The following EFCAB14 variants were observed in gnomAD, a reference collection of about 807,000 sequenced individuals.
EFCAB14 encodes the protein EF-hand calcium binding domain 14.
EFCAB14 carries 43 observed loss-of-function variants against 56.5 expected under a neutral mutation model. The observed-to-expected ratio is 0.76, with a 90% CI of 0.60 to 0.98. The LOEUF (loss-of-function observed/expected upper bound fraction) is 0.98. Ranked by LOEUF, EFCAB14 falls within the 50% of genes least tolerant of loss-of-function variation. EFCAB14 has a pLI of 0.00. For missense variants in EFCAB14, 538 were observed against 580.3 expected (o/e 0.93, Z 0.75); for synonymous variants, 235 against 212.9 (o/e 1.10, Z -0.90).
chr1:46,699,731 T>C (rs1014066637), intron 3 of EFCAB14, among the ~76,000 whole-genome samples: 5 of 152,218 alleles, frequency 3.3e-5, no homozygotes, highest in African/African-American at 1.2e-4. Flanking sequence ...GTCTACAAAT[T>C]CTTTGATAGT....
intron 4 of EFCAB14, chr1:46,692,238 A>T (rs1023191178): frequency 9.9e-5 from 24 of 243,224 alleles, no homozygotes; most frequent in African/African-American, 1.6e-4. Flanking sequence ...TGCTTTTTAA[A>T]GTGTGGCTGC....
At chr1:46,687,523 A>G (rs1569691883) in intron 7 of EFCAB14, among the ~76,000 whole-genome samples, 1 of 152,198 alleles carries the variant, frequency 6.6e-6, no homozygotes, top group East Asian at 1.9e-4. Context: ...TCCATGAACC[A>G]GAGTTTGACT....
At chr1:46,701,797 T>A (rs770350756) in intron 3 of EFCAB14, among the ~76,000 whole-genome samples, 3 of 152,226 alleles carry the variant, frequency 2.0e-5, no homozygotes, top group Non-Finnish European at 4.4e-5. Flanking sequence ...ACTTAGGTCT[T>A]CTTACTCACT....
Position 46,699,651 on chromosome 1 carries a change from G to A in EFCAB14, c.481-3002C>T, listed in dbSNP as rs191553556. ...ATTTATTCTTTTCATCAGTAACTGG[G>A]TATAATAATAATAACAACAACAACT... On this transcript the variant is annotated intron_variant, in intron 3 of 10. Transcript: ENST00000371933. 3.1e-4 allele frequency among the ~76,000 whole-genome samples: 47 copies of A among 152,244 alleles called. 1 individual carries two copies. The East Asian group carries it at 7.9e-3, about 26-fold the overall frequency.
chr1:46,699,078 C>T (rs556409658), intron 3 of EFCAB14, among the ~76,000 whole-genome samples: 2 of 152,230 alleles, frequency 1.3e-5, no homozygotes, highest in African/African-American at 4.8e-5. Context: ...ACTCTTAGGT[C>T]TCTCACCTCA....
At position 46,718,278 on chromosome 1, in the gene EFCAB14, T is replaced by A. The variant is rs181920411; in HGVS notation, c.-191A>T. On this transcript the variant is annotated 5_prime_UTR_variant, in exon 1 of 11. Transcript: ENST00000371933. ...CTGGAGATTGGAGCCCAGAGGAAAC[T>A]GGAACTCAGATGGGTGGGGGAAATC... 1.6e-5 allele frequency: 9 copies of A among 553,226 alleles called. No individual in the cohort carries two copies. Among genetic ancestry groups the A allele is most frequent in the South Asian group, 2.5e-5 (1 of 39,518 alleles). 34.3% of individuals were successfully genotyped at this position (553,226 alleles called of 1,614,324 possible). A position where few individuals can be genotyped will look rare whatever the true frequency, so the allele number is the denominator to read the frequency against.
chr1:46,715,457 GCA>G (rs1677373339), intron 2 of EFCAB14, among the ~76,000 whole-genome samples: 1 of 152,146 alleles, frequency 6.6e-6, no homozygotes, highest in African/African-American at 2.4e-5. Flanking sequence ...TTGAGACTTG[GCA>G]CAGAGTAGGC....
rs1425635874 is a variant in EFCAB14, at chr1:46,718,606, G to C, written c.-519C>G. On this transcript the variant is annotated 5_prime_UTR_variant, in exon 1 of 11. Transcript: ENST00000371933. Reference sequence around the variant, plus strand: ...GTGCAGAGTAAGAAAGTGGGAACGCGTCAGTCCCTTCCTTGCAGGAGAGGT... The same window carrying C: ...GTGCAGAGTAAGAAAGTGGGAACGCCTCAGTCCCTTCCTTGCAGGAGAGGT... 6.5e-6 allele frequency: 1 copy of C among 152,818 alleles called. No homozygotes were observed. The highest frequency in any genetic ancestry group is 1.5e-5 in the Non-Finnish European group (1 of 68,464). 9.5% of individuals were successfully genotyped at this position (152,818 alleles called of 1,614,324 possible). A position where few individuals can be genotyped will look rare whatever the true frequency, so the allele number is the denominator to read the frequency against.
chr1:46,717,933 C>G lies in EFCAB14; in HGVS notation c.155G>C (p.Gly52Ala). The G allele has an allele frequency of 6.2e-7, 1 of 1,614,046 alleles. No individual in the cohort carries two copies. The highest frequency in any genetic ancestry group is 8.5e-7 in the Non-Finnish European group (1 of 1,180,006). The change falls in exon 1 of 11, where the codon GGT (glycine) becomes GCT (alanine). Residue 52 changes from glycine (G) to alanine (A), a missense_variant. Physicochemically the swap from Gly to Ala is moderately conservative, Grantham distance 60. Coordinates refer to ENST00000371933, the MANE Select transcript of EFCAB14 (RefSeq NM_014774.3). The part of the protein sequence containing the change: ...ESSSEEEEEF[G>A]VVGNRSRFAK... The stretch of plus-strand genomic sequence containing the variant: ...AAAGCGAGAGCGATTTCCAACCACA[C>G]CGAATTCCTCTTCCTCTTCGGAGCT...
rs921810062 is a variant in EFCAB14 at position 46,678,132 on chromosome 1, A to C, written c.*329T>G. The C allele has an allele frequency of 6.5e-5, 13 of 198,930 alleles. No homozygotes were observed. Among genetic ancestry groups the C allele is most frequent in the East Asian group, 1.4e-4 (1 of 6,932 alleles). 12.3% of individuals were successfully genotyped at this position (198,930 alleles called of 1,614,324 possible). On this transcript the variant is annotated 3_prime_UTR_variant, in exon 11 of 11. Transcript: ENST00000371933. ...TATAAAAGTGGCTTATTCTCTCTCT[A>C]TATACATTTCCCAGCTTTAAAAGAT...
At chr1:46,686,754 T>G (rs1463087372) in intron 8 of EFCAB14, 30 bp downstream of exon 8, 1 of 1,605,104 alleles carries the variant, frequency 6.2e-7, no homozygotes, top group Non-Finnish European at 8.5e-7. Context: ...GCATTTACTT[T>G]TACTTCAGGG....
In EFCAB14 at chr1:46,717,984, T is replaced by C; in HGVS notation, c.104A>G (p.Glu35Gly). 6.2e-7 allele frequency: 1 copy of C among 1,614,180 alleles called. No individual in the cohort carries two copies. The highest frequency in any genetic ancestry group is 2.2e-5 in the East Asian group (1 of 44,872). ...GPSSHRLLRT[E>G]PPDSDSESSS... ...GGACTCAGAGTCTGAGTCGGGAGGC[T>C]CAGTGCGAAGCAGGCGGTGACTGCT... Residue 35 changes from glutamate to glycine, a missense_variant, in exon 1 of 11, where the codon GAG becomes GGG. By Grantham distance (98) the Glu-to-Gly change is moderately conservative. Transcript: ENST00000371933.
At chr1:46,691,375 T>C (rs1363646115) in intron 5 of EFCAB14, among the ~76,000 whole-genome samples, 2 of 152,242 alleles carry the variant, frequency 1.3e-5, no homozygotes, top group Non-Finnish European at 2.9e-5. Flanking sequence ...TGGAACATGC[T>C]AGACAGCCTG....
intron 5 of EFCAB14, among the ~76,000 whole-genome samples, chr1:46,690,412 A>C (rs986378266): frequency 6.6e-6 from 1 of 152,238 alleles, no homozygotes; most frequent in Admixed American, 6.5e-5. Flanking sequence ...AATTTAAAAG[A>C]AGTAGATTTA....
intron 2 of EFCAB14, among the ~76,000 whole-genome samples, chr1:46,709,815 C>T (rs547187029): frequency 5.3e-5 from 8 of 152,196 alleles, no homozygotes; most frequent in African/African-American, 1.4e-4. Flanking sequence ...TGGCAAAACC[C>T]TGTCTCTACT....
At chr1:46,711,660 T>C (rs993916995) in intron 2 of EFCAB14, among the ~76,000 whole-genome samples, 1 of 152,220 alleles carries the variant, frequency 6.6e-6, no homozygotes, top group African/African-American at 2.4e-5. Context: ...AGCAAACAAC[T>C]TAAAATTTTG....
chr1:46,697,354 T>C (rs538593725), intron 3 of EFCAB14, among the ~76,000 whole-genome samples: 2 of 152,324 alleles, frequency 1.3e-5, no homozygotes, highest in East Asian at 1.9e-4. Flanking sequence ...TATTTAGGCA[T>C]AGAATTCTAA....
chr1:46,716,304 A>T lies in EFCAB14; in HGVS notation c.325T>A (p.Phe109Ile), dbSNP rs1315826676. The change falls in exon 2 of 11, where the codon TTT becomes ATT. Residue 109 changes from phenylalanine to isoleucine, a missense_variant. Transcript: ENST00000371933. ...KEDLDALKEK[F>I]RTMESNQKSS... ...GTAACCACTTACTTACTTGTTCGAAATTTTTCCTTGAGGGCATCCAGATCC... is the reference window on the plus strand; with the variant it reads ...GTAACCACTTACTTACTTGTTCGAATTTTTTCCTTGAGGGCATCCAGATCC... 21 of 1,600,956 alleles carry T rather than the reference A, an allele frequency of 1.3e-5. No homozygotes were observed. The highest frequency in any genetic ancestry group is 1.8e-5 in the Non-Finnish European group (21 of 1,174,792).
rs145670885 is a variant in EFCAB14 at position 46,700,986 on chromosome 1, A to AGTGAGTGAGTGAGTGTGTGTGT, written c.481-4338_481-4337insACACACACACTCACTCACTCAC. Reference sequence around the variant, plus strand: ...GAGAGAGAGAGAGAGAGAGTGAGTGAGTGTGTGTGTGTGTGTGTGTGTGTG... The same window carrying AGTGAGTGAGTGAGTGTGTGTGT: ...GAGAGAGAGAGAGAGAGAGTGAGTGAGTGAGTGAGTGAGTGTGTGTGTGTGTGTGTGTGTGTGTGTGTGTGTG... On this transcript the variant is annotated intron_variant, in intron 3 of 10. Transcript: ENST00000371933. Among the ~76,000 whole-genome samples, 1,289 of 142,918 alleles carry AGTGAGTGAGTGAGTGTGTGTGT rather than the reference A, an allele frequency of 9.0e-3. 14 individuals carry two copies. The highest frequency in any genetic ancestry group is 0.031 in the African/African-American group (1,205 of 38,806). The allele number at this position is 142,918 out of a possible 152,430, so 93.8% of individuals were successfully genotyped here. A position where few individuals can be genotyped will look rare whatever the true frequency, so the allele number is the denominator to read the frequency against.
Sources: allele counts gnomAD v4.1 joint callset (sites outside exome capture counted in the v4.1 genomes callset), GRCh38; gene constraint gnomAD v4.1.1; transcripts MANE v1.5; gene names NCBI Gene and HGNC (gene_info 2026-07-23, HGNC 2026-07-21).